The following DPEP2 variants were observed in gnomAD, a reference collection of about 807,000 sequenced individuals.
DPEP2 encodes the protein dipeptidase 2.
Under a neutral mutation model 51.8 loss-of-function variants are expected in DPEP2, and 45 were observed. The observed-to-expected ratio is 0.87, with a 90% CI of 0.68 to 1.11. DPEP2 has a LOEUF of 1.11. Among genes scored for constraint, DPEP2 ranks in the 50% most tolerant of loss-of-function variants. DPEP2 has a pLI of 0.00. For missense variants in DPEP2, 604 were observed against 631.9 expected (o/e 0.96, Z 0.47); for synonymous variants, 255 against 262.7 (o/e 0.97, Z 0.28).
intron 9 of DPEP2, among the ~76,000 whole-genome samples, chr16:67,988,671 C>T (rs2031740133): frequency 6.6e-6 from 1 of 151,222 alleles, no homozygotes; most frequent in Non-Finnish European, 1.5e-5. Flanking sequence ...TGTAATCCCA[C>T]ACTTTAGGAG....
At chr16:67,990,684 G>A in intron 7 of DPEP2, 137 bp downstream of exon 7, 2 of 968,154 alleles carry the variant, frequency 2.1e-6, no homozygotes, top group Admixed American at 2.4e-5. Context: ...GGCTGGTCTT[G>A]AACTCCTGAC....
intron 1 of DPEP2, among the ~76,000 whole-genome samples, chr16:67,995,275 G>A (rs1002421957): frequency 6.6e-6 from 1 of 151,738 alleles, no homozygotes; most frequent in African/African-American, 2.4e-5. Context: ...TCAAACTTCT[G>A]GCTTCAAGTG....
In DPEP2 at chr16:67,987,465, G is replaced by A. The variant is rs186051597; in HGVS notation, c.*41C>T. On this transcript the variant is annotated 3_prime_UTR_variant, in exon 11 of 11. Coordinates refer to ENST00000393847, the MANE Select transcript of DPEP2 (RefSeq NM_022355.4). ...AACAGGGGAACTTTGTGGGGTGTCT[G>A]TGGCTTGCTACAGTGACATCTGGCA... 42 of 1,582,450 alleles carry A rather than the reference G, an allele frequency of 2.7e-5. No individual in the cohort carries two copies. In the East Asian group the frequency reaches 9.3e-4, roughly 35 times the overall value.
In DPEP2 at chr16:67,993,184, C is replaced by A. The variant is rs1340956528; in HGVS notation, c.29G>T (p.Gly10Val). Residue 10 changes from glycine (G) to valine (V), a missense_variant, in exon 2 of 11, where the codon GGC (glycine) becomes GTC (valine). By Grantham distance (109) the Gly-to-Val change is moderately radical. Coordinates refer to ENST00000393847, the MANE Select transcript of DPEP2 (RefSeq NM_022355.4). Reference sequence around the variant, plus strand: ...CAGCAGAGGCCACCGACCAAACGTGCCGGGACCCTCGAGGCCGGAGGGCTG... The same window carrying A: ...CAGCAGAGGCCACCGACCAAACGTGACGGGACCCTCGAGGCCGGAGGGCTG... MQPSGLEGP[G>V]TFGRWPLLSL... 2.0e-6 allele frequency: 3 copies of A among 1,484,120 alleles called. No homozygotes were observed. The highest frequency in any genetic ancestry group is 2.7e-6 in the Non-Finnish European group (3 of 1,113,550). 91.9% of individuals were successfully genotyped at this position (1,484,120 alleles called of 1,614,324 possible).
chr16:67,988,049 G>A, intron 9 of DPEP2, 62 bp from the exon 10 acceptor site: 2 of 1,607,904 alleles, frequency 1.2e-6, no homozygotes, highest in Non-Finnish European at 1.7e-6. Flanking sequence ...CAGAACCACA[G>A]TCCAGGGTCT....
intron 1 of DPEP2, among the ~76,000 whole-genome samples, chr16:67,997,442 C>T (rs375309549): frequency 3.3e-5 from 5 of 151,370 alleles, no homozygotes; most frequent in Admixed American, 1.3e-4. Flanking sequence ...CTGCAAGCTC[C>T]GCCTCCCGGG....
rs2032145791 is a variant in DPEP2 at position 67,991,435 on chromosome 16, T to C, written c.663-251A>G. Among the ~76,000 whole-genome samples the C allele has an allele frequency of 6.6e-6, 1 of 151,314 alleles. No individual in the cohort carries two copies. The highest frequency in any genetic ancestry group is 1.5e-5 in the Non-Finnish European group (1 of 67,806). On this transcript the variant is annotated intron_variant, in intron 5 of 10. Transcript: ENST00000393847. This position sits in a 1 kb window ranked among gnomAD's most constrained non-coding sequence, Gnocchi z 5.1. Reference sequence around the variant, plus strand: ...CCCAGGCAGGAGTGCAGTGGTGCTGTCGTGCCATCTCAGCTCACTGAAACC... The same window carrying C: ...CCCAGGCAGGAGTGCAGTGGTGCTGCCGTGCCATCTCAGCTCACTGAAACC...
intron 10 of DPEP2, 32 bp from the exon 11 acceptor site, chr16:67,987,792 A>G: frequency 1.2e-6 from 2 of 1,612,892 alleles, no homozygotes; most frequent in Non-Finnish European, 1.7e-6. Flanking sequence ...CAGCTTCCAC[A>G]GCTCTCCTTG....
intron 7 of DPEP2, among the ~76,000 whole-genome samples, chr16:67,990,418 T>C (rs994218995): frequency 1.3e-5 from 2 of 152,068 alleles, no homozygotes; most frequent in East Asian, 1.9e-4. Flanking sequence ...CAGCCTGAAG[T>C]TGGAAGAAGT....
At chr16:67,996,813 GA>G (rs2032723817) in intron 1 of DPEP2, among the ~76,000 whole-genome samples, 2 of 151,880 alleles carry the variant, frequency 1.3e-5, no homozygotes, top group Admixed American at 6.6e-5. Context: ...CTCTGTAGGA[GA>G]TAAGCCAGAC....
upstream of DPEP2, chr16:68,000,488 A>G (rs930472238): frequency 3.0e-6 from 3 of 985,194 alleles, no homozygotes; most frequent in African/African-American, 1.7e-5. Context: ...ATCTGCATCC[A>G]AGCCCCTCTG....
In DPEP2 at chr16:67,992,102, G is replaced by A. The variant is rs2032239909; in HGVS notation, c.482C>T (p.Ala161Val). The A allele has an allele frequency of 1.2e-6, 2 of 1,614,156 alleles. No homozygotes were observed. Among genetic ancestry groups the A allele is most frequent in the Non-Finnish European group, 1.7e-6 (2 of 1,180,030 alleles). Residue 161 changes from alanine to valine, a missense_variant, in exon 4 of 11, where the codon GCC becomes GTC. By Grantham distance (64) the Ala-to-Val change is moderately conservative. Coordinates refer to ENST00000393847, the MANE Select transcript of DPEP2 (RefSeq NM_022355.4). ...CACAAGCTCCAGCTCAGAATAGGAG[G>A]CACACATGCGGCGTATGAGGTCAAT... ...EQIDLIRRMC[A>V]SYSELELVTS...
intron 1 of DPEP2, among the ~76,000 whole-genome samples, chr16:67,997,951 A>T (rs1441003790): frequency 6.6e-6 from 1 of 152,226 alleles, no homozygotes; most frequent in Non-Finnish European, 1.5e-5. Context: ...CACTGCCAGC[A>T]TCTAGCTAAC....
At position 67,992,589 on chromosome 16, in the gene DPEP2, A is replaced by T; in HGVS notation, c.311T>A (p.Leu104Gln). The stretch of plus-strand genomic sequence containing the variant: ...GAAATTGCGCAGGTTAACATCCTGT[A>T]GCCCTTTCTGGTAAACCTGCCTTAG... ...LVLRQVYQKG[L>Q]QDVNLRNFSY... Residue 104 changes from leucine (L) to glutamine (Q), a missense_variant, in exon 3 of 11, where the codon CTA (leucine) becomes CAA (glutamine). Leu to Gln is a moderately radical substitution (Grantham distance 113, BLOSUM62 -2). Coordinates refer to ENST00000393847, the MANE Select transcript of DPEP2 (RefSeq NM_022355.4). 6.2e-7 allele frequency: 1 copy of T among 1,614,160 alleles called. No homozygotes were observed. Among genetic ancestry groups the T allele is most frequent in the Non-Finnish European group, 8.5e-7 (1 of 1,179,992 alleles).
In DPEP2 at chr16:67,991,992, A is replaced by AG. The variant is rs761229356; in HGVS notation, c.521-14dup. 1 of 1,614,126 alleles carries AG rather than the reference A, an allele frequency of 6.2e-7. No individual in the cohort carries two copies. The highest frequency in any genetic ancestry group is 8.5e-7 in the Non-Finnish European group (1 of 1,179,978). ...GTGTCGTTCAGAGCTGGGGGCAGGTAGGTCAGGTGATTACTTTCCAGGGCT... is the reference window on the plus strand; with the variant it reads ...GTGTCGTTCAGAGCTGGGGGCAGGTAGGGTCAGGTGATTACTTTCCAGGGCT... On this transcript the variant is annotated splice_polypyrimidine_tract_variant and intron_variant, in intron 4 of 10. Transcript: ENST00000393847. This position sits in a 1 kb window ranked among gnomAD's most constrained non-coding sequence, Gnocchi z 5.1.
chr16:67,992,254 C>T (rs1257880623), intron 3 of DPEP2, 61 bp from the exon 4 acceptor site: 1 of 1,571,708 alleles, frequency 6.4e-7, no homozygotes, highest in Non-Finnish European at 8.6e-7. Context: ...CTGGACTGCT[C>T]ACAGCCTCCA....
Position 67,995,912 on chromosome 16 carries a change from C to T in DPEP2, c.-45-2655G>A, listed in dbSNP as rs146208626. 6.8e-3 allele frequency among the ~76,000 whole-genome samples: 1,035 copies of T among 151,944 alleles called. 13 individuals are homozygous for T. The highest frequency in any genetic ancestry group is 0.022 in the African/African-American group (918 of 41,422). ...CCAGGAGGCAGAGGTTGCAGTGAGC[C>T]GAGATTGGGCCACTGAACTTCAGCC... is the stretch of plus-strand genomic sequence containing the variant. On this transcript the variant is annotated intron_variant, in intron 1 of 10. Coordinates refer to ENST00000393847, the MANE Select transcript of DPEP2 (RefSeq NM_022355.4).
rs769738637 is a variant in DPEP2, at chr16:67,992,786, C to T, written c.264-150G>A. ...CTGAGGCCCGGGCTAGGAGTGCCCA[C>T]CCAAGAGGGGATGACAGAGGGGAAA... is the stretch of plus-strand genomic sequence containing the variant. On this transcript the variant is annotated intron_variant, in intron 2 of 10. Coordinates refer to ENST00000393847, the MANE Select transcript of DPEP2 (RefSeq NM_022355.4). 5 of 1,486,476 alleles carry T rather than the reference C, an allele frequency of 3.4e-6. No homozygotes were observed. The Admixed American group carries it at 6.6e-5, about 20-fold the overall frequency. 92.1% of individuals were successfully genotyped at this position (1,486,476 alleles called of 1,614,324 possible). A position where few individuals can be genotyped will look rare whatever the true frequency, so the allele number is the denominator to read the frequency against.
rs377092253 is a variant in DPEP2 at position 67,992,684 on chromosome 16, C to T, written c.264-48G>A. 34 of 1,591,114 alleles carry T rather than the reference C, an allele frequency of 2.1e-5. No individual in the cohort carries two copies. In the African/African-American group the frequency reaches 3.8e-4, roughly 18 times the overall value. On this transcript the variant is annotated intron_variant, in intron 2 of 10. Coordinates refer to ENST00000393847, the MANE Select transcript of DPEP2 (RefSeq NM_022355.4). Reference sequence around the variant, plus strand: ...TCAGGTGAAGAACAGACAGATGGGCCTCTTAGCCCTCCAGTTCAGGAAGGA... The same window carrying T: ...TCAGGTGAAGAACAGACAGATGGGCTTCTTAGCCCTCCAGTTCAGGAAGGA...
Sources: allele counts gnomAD v4.1 joint callset (sites outside exome capture counted in the v4.1 genomes callset), GRCh38; gene constraint gnomAD v4.1.1; non-coding constraint Gnocchi (gnomAD v3.1); transcripts MANE v1.5; gene names NCBI Gene and HGNC (gene_info 2026-07-23, HGNC 2026-07-21).